Variants in ATE1 observed in about 807,000 individuals in gnomAD.
The protein encoded by ATE1 is arginyl-tRNA--protein transferase 1.
ATE1 carries 36 observed loss-of-function variants against 70.5 expected under a neutral mutation model. The observed-to-expected ratio is 0.51, with a 90% CI of 0.39 to 0.67. The LOEUF is 0.67. Ranked by LOEUF, ATE1 falls within the 30% of genes least tolerant of loss-of-function variation. The pLI is 0.00. For synonymous variants in ATE1, 232 were observed against 219.3 expected (o/e 1.06, Z -0.51); for missense variants, 593 against 629.5 (o/e 0.94, Z 0.62).
chr10:121,743,717 TG>T lies in ATE1; in HGVS notation c.1519del (p.Gln507ArgfsTer40). ...CAGCAGCATCCGCTCGGAGCACTTC[TG>T]CCCCACCAGGCTGGCGTACTGCAGA... ...AVLQYASLVGQKCSERMLLFR... is the reference protein window; with the variant it reads ...AVLQYASLVGXKCSERMLLFR... On this transcript the variant is annotated frameshift_variant, in exon 12 of 12. Coordinates refer to ENST00000224652, the MANE Select transcript of ATE1 (RefSeq NM_001001976.3). LOFTEE classifies it high-confidence loss of function. The T allele has an allele frequency of 6.2e-7, 1 of 1,613,826 alleles. No individual in the cohort carries two copies. The highest frequency in any genetic ancestry group is 8.5e-7 in the Non-Finnish European group (1 of 1,179,930).
chr10:121,842,247 CTAGT>C (rs758397076), intron 8 of ATE1, among the ~76,000 whole-genome samples: 31 of 152,246 alleles, frequency 2.0e-4, no homozygotes, highest in Non-Finnish European at 4.0e-4. Flanking sequence ...GTAAATATAG[CTAGT>C]TAAATGACAT....
intron 7 of ATE1, among the ~76,000 whole-genome samples, chr10:121,897,454 T>C (rs1339991320): frequency 1.3e-5 from 2 of 152,148 alleles, no homozygotes; most frequent in South Asian, 2.1e-4. Context: ...TCACCCACAG[T>C]GGCATGGATC....
intron 8 of ATE1, among the ~76,000 whole-genome samples, chr10:121,852,070 T>C (rs748769373): frequency 1.3e-5 from 2 of 152,162 alleles, no homozygotes; most frequent in African/African-American, 2.4e-5. Flanking sequence ...CAGAACACAG[T>C]GAAGGCTCAA....
chr10:121,853,300 C>G (rs1013135164), intron 8 of ATE1, among the ~76,000 whole-genome samples: 1 of 141,954 alleles, frequency 7.0e-6, no homozygotes, highest in African/African-American at 2.6e-5. Context: ...GAAGGTGGAG[C>G]TTGCAGTGAG....
chr10:121,789,139 T>A (rs116300124), intron 11 of ATE1, among the ~76,000 whole-genome samples: 2,492 of 152,280 alleles, frequency 0.016, 32 homozygotes, highest in African/African-American at 0.038. Flanking sequence ...TATCTCATTT[T>A]AATCCTCATT....
chr10:121,870,552 G>A (rs773907640), intron 7 of ATE1, among the ~76,000 whole-genome samples: 1 of 152,060 alleles, frequency 6.6e-6, no homozygotes, highest in Non-Finnish European at 1.5e-5. Context: ...CCACAATTTG[G>A]CATCTCATCT....
Position 121,816,376 on chromosome 10 carries a change from A to G in ATE1, c.1257+20342T>C, listed in dbSNP as rs566094600. Among the ~76,000 whole-genome samples the G allele has an allele frequency of 7.9e-5, 12 of 152,308 alleles. No individual in the cohort carries two copies. In the East Asian group the frequency reaches 2.1e-3, roughly 27 times the overall value. ...GAAACTTAATCCTCACTGTAGTGGT[A>G]TTAAGAGGTGTGGCCTTTTGGAAAG... On this transcript the variant is annotated intron_variant, in intron 10 of 11. Coordinates refer to ENST00000224652, the MANE Select transcript of ATE1 (RefSeq NM_001001976.3).
chr10:121,807,395 T>C (rs1046904296), intron 10 of ATE1, among the ~76,000 whole-genome samples: 1 of 149,522 alleles, frequency 6.7e-6, no homozygotes, highest in Non-Finnish European at 1.5e-5. Flanking sequence ...TCACGGTTTA[T>C]TACTTCATAG....
intron 7 of ATE1, among the ~76,000 whole-genome samples, chr10:121,881,945 C>T (rs1386313873): frequency 1.3e-5 from 2 of 151,980 alleles, no homozygotes; most frequent in Non-Finnish European, 2.9e-5. Flanking sequence ...AGGTGCACGT[C>T]GCCAAACCCG....
chr10:121,871,908 T>C (rs560122582), intron 7 of ATE1, among the ~76,000 whole-genome samples: 21 of 152,318 alleles, frequency 1.4e-4, no homozygotes, highest in African/African-American at 4.3e-4. Context: ...TTTATTGAAA[T>C]TTAAAATGCA....
chr10:121,914,744 T>C (rs907261908), intron 3 of ATE1, among the ~76,000 whole-genome samples: 4 of 152,108 alleles, frequency 2.6e-5, no homozygotes, highest in African/African-American at 9.7e-5. Flanking sequence ...AAGAGTAACA[T>C]AGAGCCTCTT....
chr10:121,896,482 T>A (rs7894846), intron 7 of ATE1, among the ~76,000 whole-genome samples: 64,502 of 151,676 alleles, frequency 0.43, 14,051 homozygotes, highest in African/African-American at 0.52. Flanking sequence ...ATTATTTTTT[T>A]AAAAATCTGG....
chr10:121,884,306 C>T (rs1442564724), intron 7 of ATE1, among the ~76,000 whole-genome samples: 3 of 151,652 alleles, frequency 2.0e-5, no homozygotes, highest in African/African-American at 2.4e-5. Context: ...AGTTACTGAC[C>T]GAAAGGAACT....
At chr10:121,809,753 C>T (rs1947243414) in intron 10 of ATE1, among the ~76,000 whole-genome samples, 1 of 151,770 alleles carries the variant, frequency 6.6e-6, no homozygotes, top group South Asian at 2.1e-4. Flanking sequence ...AAAAGTTATG[C>T]AATGAGGTGG....
chr10:121,786,886 A>G (rs1026239903), intron 11 of ATE1, among the ~76,000 whole-genome samples: 1 of 152,204 alleles, frequency 6.6e-6, no homozygotes, highest in Admixed American at 6.5e-5. Flanking sequence ...TTTGAAATCT[A>G]TACATATTCA....
At chr10:121,828,995 A>G (rs1948130457) in intron 10 of ATE1, among the ~76,000 whole-genome samples, 1 of 152,054 alleles carries the variant, frequency 6.6e-6, no homozygotes, top group Non-Finnish European at 1.5e-5. Flanking sequence ...TTTATGCACT[A>G]TATTGTAATT....
intron 10 of ATE1, among the ~76,000 whole-genome samples, chr10:121,793,245 A>G (rs1590316489): frequency 6.6e-6 from 1 of 152,352 alleles, no homozygotes; most frequent in East Asian, 1.9e-4. Flanking sequence ...TAGAATGGCT[A>G]AATTTTAAAA....
intron 11 of ATE1, among the ~76,000 whole-genome samples, chr10:121,770,100 A>T (rs1945440367): frequency 6.6e-6 from 1 of 152,200 alleles, no homozygotes; most frequent in Non-Finnish European, 1.5e-5. Flanking sequence ...AACAACTGAG[A>T]TGTCCTTCAA....
intron 11 of ATE1, among the ~76,000 whole-genome samples, chr10:121,775,290 C>G (rs1159767137): frequency 2.6e-5 from 4 of 151,954 alleles, no homozygotes; most frequent in African/African-American, 9.7e-5. Context: ...ATAGTAAACC[C>G]TTTATGAGAA....
Sources: allele counts gnomAD v4.1 joint callset (sites outside exome capture counted in the v4.1 genomes callset), GRCh38; gene constraint gnomAD v4.1.1; transcripts MANE v1.5; gene names NCBI Gene and HGNC (gene_info 2026-07-23, HGNC 2026-07-21).